Variants in NUBPL observed in about 807,000 individuals in gnomAD.
NUBPL encodes the protein iron-sulfur cluster transfer protein NUBPL.
Under a neutral mutation model 45.7 loss-of-function variants are expected in NUBPL, and 31 were observed. The ratio of observed to expected loss-of-function variants is 0.68; its 90% CI spans 0.51 to 0.92. The LOEUF (loss-of-function observed/expected upper bound fraction) is 0.92. Among genes scored for constraint, NUBPL ranks in the 40% least tolerant of loss-of-function variants. NUBPL has a pLI of 0.00. For synonymous variants in NUBPL, 144 were observed against 140.9 expected (o/e 1.02, Z -0.15); for missense variants, 401 against 398.7 (o/e 1.01, Z -0.05).
chr14:31,717,894 A>G (rs2037724750), intron 6 of NUBPL, among the ~76,000 whole-genome samples: 1 of 152,180 alleles, frequency 6.6e-6, no homozygotes, highest in African/African-American at 2.4e-5. Flanking sequence ...GGAAATGGAC[A>G]TCAGATCACA....
At chr14:31,714,150 T>C (rs994175519) in intron 6 of NUBPL, among the ~76,000 whole-genome samples, 7 of 152,204 alleles carry the variant, frequency 4.6e-5, no homozygotes, top group Non-Finnish European at 7.3e-5. Flanking sequence ...TCTGTGGAGA[T>C]AGCCTCTATG....
chr14:31,841,922 T>TTTC (rs1566593578), intron 8 of NUBPL, among the ~76,000 whole-genome samples: 1 of 43,252 alleles, frequency 2.3e-5, no homozygotes, highest in Non-Finnish European at 5.3e-5. Context: ...CTGGGCTTTT[T>TTTC]TTTTTTTTTT....
At chr14:31,621,883 A>T (rs2035073058) in intron 4 of NUBPL, among the ~76,000 whole-genome samples, 1 of 152,148 alleles carries the variant, frequency 6.6e-6, no homozygotes, top group South Asian at 2.1e-4. Flanking sequence ...TAAAATGTGG[A>T]GGTGAGGTTG....
At position 31,756,018 on chromosome 14, in the gene NUBPL, G is replaced by A. The variant is rs141697808; in HGVS notation, c.514-31762G>A. Among the ~76,000 whole-genome samples the A allele has an allele frequency of 8.6e-3, 1,313 of 152,114 alleles. 20 individuals carry two copies. The highest frequency in any genetic ancestry group is 0.03 in the African/African-American group (1,253 of 41,472). On this transcript the variant is annotated intron_variant, in intron 6 of 10. Transcript: ENST00000281081. ...AAGATCAGATAGTTGTAGATAATGC[G>A]GCGTTATTTCTGAGAGCTCTGTTCT...
At chr14:31,664,493 CAT>C (rs1338839623) in intron 4 of NUBPL, among the ~76,000 whole-genome samples, 4 of 152,132 alleles carry the variant, frequency 2.6e-5, no homozygotes, top group African/African-American at 7.2e-5. Context: ...TTGAGATAAT[CAT>C]GTGGTTTTTG....
intron 4 of NUBPL, among the ~76,000 whole-genome samples, chr14:31,630,210 A>C (rs2139659159): frequency 6.6e-6 from 1 of 152,292 alleles, no homozygotes; most frequent in East Asian, 1.9e-4. Context: ...TGGACATTAG[A>C]GATGGAGAGA....
At chr14:31,592,508 CA>C (rs1164759503) in intron 3 of NUBPL, among the ~76,000 whole-genome samples, 1 of 152,012 alleles carries the variant, frequency 6.6e-6, no homozygotes, top group Non-Finnish European at 1.5e-5. Flanking sequence ...TAGCAAATAA[CA>C]AATTTGAATT....
chr14:31,707,988 A>G (rs2037491447), intron 6 of NUBPL, among the ~76,000 whole-genome samples: 1 of 152,194 alleles, frequency 6.6e-6, no homozygotes, highest in Non-Finnish European at 1.5e-5. Context: ...AAAGGCAAAA[A>G]GAAACTGGGA....
rs1359528248 is a variant in NUBPL, at chr14:31,634,773, T to C, written c.382+35394T>C. 5.3e-5 allele frequency among the ~76,000 whole-genome samples: 8 copies of C among 151,376 alleles called. No individual in the cohort carries two copies. The East Asian group carries it at 1.2e-3, about 22-fold the overall frequency. ...CTGTTGTTTCCTGACTTTTTAATGA[T>C]TGCCATTCTAACTGGTGTGAGATGG... On this transcript the variant is annotated intron_variant, in intron 4 of 10. Coordinates refer to ENST00000281081, the MANE Select transcript of NUBPL (RefSeq NM_025152.3).
chr14:31,618,724 T>A (rs1438071304), intron 4 of NUBPL, among the ~76,000 whole-genome samples: 1 of 152,180 alleles, frequency 6.6e-6, no homozygotes, highest in Non-Finnish European at 1.5e-5. Flanking sequence ...AGCAGTGTGA[T>A]GTGGTTCTGA....
intron 4 of NUBPL, among the ~76,000 whole-genome samples, chr14:31,664,855 C>A (rs780705968): frequency 6.6e-6 from 1 of 152,148 alleles, no homozygotes; most frequent in Non-Finnish European, 1.5e-5. Flanking sequence ...GTCTGTGAAT[C>A]TGTCTGGTCC....
At chr14:31,809,714 G>A (rs1409890081) in intron 7 of NUBPL, among the ~76,000 whole-genome samples, 1 of 152,156 alleles carries the variant, frequency 6.6e-6, no homozygotes, top group Non-Finnish European at 1.5e-5. Flanking sequence ...ATGTTAGGGT[G>A]TCAATTTTAG....
chr14:31,724,669 A>G (rs1372330898), intron 6 of NUBPL, among the ~76,000 whole-genome samples: 2 of 152,212 alleles, frequency 1.3e-5, no homozygotes, highest in Non-Finnish European at 2.9e-5. Context: ...CTAATTGACA[A>G]TTTATTGAAC....
At chr14:31,703,485 G>A (rs1050339660) in intron 6 of NUBPL, among the ~76,000 whole-genome samples, 2 of 152,310 alleles carry the variant, frequency 1.3e-5, no homozygotes, top group Admixed American at 1.3e-4. Context: ...ACCTGAGACT[G>A]GGGAGAAACT....
intron 6 of NUBPL, among the ~76,000 whole-genome samples, chr14:31,726,661 A>G (rs1053076173): frequency 7.5e-4 from 1 of 1,340 alleles, no homozygotes; most frequent in East Asian, 0.25. Context: ...CTTGTTGACT[A>G]AATGAATAAT....
intron 7 of NUBPL, among the ~76,000 whole-genome samples, chr14:31,790,725 C>G (rs912618012): frequency 1.3e-5 from 2 of 152,072 alleles, no homozygotes; most frequent in East Asian, 1.9e-4. Context: ...GTGGCAGGCA[C>G]CTGTAGTCCC....
chr14:31,729,153 G>A (rs377077151), intron 6 of NUBPL, among the ~76,000 whole-genome samples: 4 of 151,830 alleles, frequency 2.6e-5, no homozygotes, highest in East Asian at 1.9e-4. Context: ...TGTGGCAGGC[G>A]CCTGTAATTC....
intron 4 of NUBPL, 62 bp from the exon 5 acceptor site, chr14:31,673,293 A>G (rs575256138): frequency 1.4e-6 from 2 of 1,425,234 alleles, no homozygotes; most frequent in East Asian, 2.3e-5. Flanking sequence ...AAAAAACCCA[A>G]TTCAGAATGT....
intron 4 of NUBPL, among the ~76,000 whole-genome samples, chr14:31,630,445 TA>T (rs1411681225): frequency 6.6e-6 from 1 of 152,190 alleles, no homozygotes; most frequent in African/African-American, 2.4e-5. Context: ...TGAATGCCAT[TA>T]GTTGGTGACC....
Sources: allele counts gnomAD v4.1 joint callset (sites outside exome capture counted in the v4.1 genomes callset), GRCh38; gene constraint gnomAD v4.1.1; transcripts MANE v1.5; gene names NCBI Gene and HGNC (gene_info 2026-07-23, HGNC 2026-07-21).